Variants in SCUBE1 observed in about 807,000 individuals in gnomAD.
SCUBE1 encodes the protein signal peptide, CUB and EGF-like domain-containing protein 1.
In SCUBE1, 59 loss-of-function variants were observed where a neutral mutation model predicts 124.4. The ratio of observed to expected loss-of-function variants is 0.47; its 90% CI spans 0.38 to 0.59. SCUBE1 has a LOEUF of 0.59. SCUBE1 is among the 20% of genes least tolerant of loss of function. The pLI is 0.00. For missense variants in SCUBE1, 1,150 were observed against 1,371.2 expected (o/e 0.84, Z 2.55); for synonymous variants, 545 against 550.9 (o/e 0.99, Z 0.15).
chr22:43,262,663 G>A (rs931635751), intron 5 of SCUBE1, 57 bp downstream of exon 5: 2 of 1,600,342 alleles, frequency 1.2e-6, no homozygotes, highest in African/African-American at 1.3e-5. Context: ...AGACCCTCCA[G>A]AAAGTAATGG....
chr22:43,309,434 G>A (rs1033699340), intron 3 of SCUBE1, among the ~76,000 whole-genome samples: 1 of 152,128 alleles, frequency 6.6e-6, no homozygotes, highest in Admixed American at 6.6e-5. Context: ...GATGCTCCTT[G>A]AGGGCCCGAA....
chr22:43,262,844 C>T lies in SCUBE1; in HGVS notation c.486G>A (p.Glu162=). 6.2e-7 allele frequency: 1 copy of T among 1,610,226 alleles called. No homozygotes were observed. Residue 162 remains glutamate, a splice_region_variant and synonymous_variant, in exon 5 of 22, where the codon GAG becomes GAA. Coordinates refer to ENST00000360835, the MANE Select transcript of SCUBE1 (RefSeq NM_173050.5). ...NQHTCIHRSN[E]GMNCMNKDHG... Reference sequence around the variant, plus strand: ...GGTCTTTGTTCATGCAGTTCATACCCTCTGGGAAGAGAGACAGACAAGAGA... The same window carrying T: ...GGTCTTTGTTCATGCAGTTCATACCTTCTGGGAAGAGAGACAGACAAGAGA...
intron 4 of SCUBE1, among the ~76,000 whole-genome samples, chr22:43,272,948 A>G (rs1429193070): frequency 6.6e-6 from 1 of 152,220 alleles, no homozygotes; most frequent in Non-Finnish European, 1.5e-5. Context: ...CAGAGTTCAC[A>G]TGCAGCCTCC....
At chr22:43,271,437 G>A (rs1924287876) in intron 4 of SCUBE1, among the ~76,000 whole-genome samples, 1 of 152,168 alleles carries the variant, frequency 6.6e-6, no homozygotes, top group African/African-American at 2.4e-5. Context: ...CAGCTACTCT[G>A]GATTTGGACT....
chr22:43,206,161 C>A (rs1373704087), intron 21 of SCUBE1, among the ~76,000 whole-genome samples: 2 of 136,282 alleles, frequency 1.5e-5, no homozygotes, highest in Non-Finnish European at 3.2e-5. Context: ...CACACCCCCC[C>A]AAACACACCA....
Position 43,319,956 on chromosome 22 carries a change from G to A in SCUBE1, c.330C>T (p.His110=), listed in dbSNP as rs141101679. 7.8e-4 allele frequency: 1,263 copies of A among 1,614,064 alleles called. 17 individuals are homozygous for A. The South Asian group carries it at 0.012, about 16-fold the overall frequency. ...ACTCACCCAGGCAGTTGTGTCCATC[G>A]TGTGCCAGCATGAAGCCATCAAAGC... ...CTCFDGFMLA[H]DGHNCLDVDE... Residue 110 remains histidine, a synonymous_variant, in exon 3 of 22, where the codon CAC becomes CAT. Transcript: ENST00000360835.
At chr22:43,266,712 G>A (rs1475128143) in intron 4 of SCUBE1, among the ~76,000 whole-genome samples, 8 of 152,188 alleles carry the variant, frequency 5.3e-5, no homozygotes, top group Non-Finnish European at 1.0e-4. Context: ...GGGAGCAGAC[G>A]TTTCCTGGGG....
chr22:43,239,352 T>A (rs1922905215), intron 6 of SCUBE1, among the ~76,000 whole-genome samples: 1 of 152,252 alleles, frequency 6.6e-6, no homozygotes, highest in Admixed American at 6.5e-5. Flanking sequence ...AAGTCCAGGC[T>A]AGAGGTTACT....
At chr22:43,247,209 A>G (rs1194515363) in intron 6 of SCUBE1, among the ~76,000 whole-genome samples, 1 of 152,224 alleles carries the variant, frequency 6.6e-6, no homozygotes, top group Non-Finnish European at 1.5e-5. Flanking sequence ...AGCACCTGCT[A>G]CGGGCCACAC....
At chr22:43,225,259 AG>A (rs1922257027) in intron 10 of SCUBE1, among the ~76,000 whole-genome samples, 2 of 152,022 alleles carry the variant, frequency 1.3e-5, no homozygotes, top group Admixed American at 1.3e-4. Context: ...CAGGAAAGCC[AG>A]AAATCAGATC....
chr22:43,262,051 A>G (rs1281144593), intron 5 of SCUBE1, among the ~76,000 whole-genome samples: 1 of 152,196 alleles, frequency 6.6e-6, no homozygotes, highest in East Asian at 1.9e-4. Flanking sequence ...TAGGCAGACC[A>G]CCAAGCAGAT....
Position 43,297,117 on chromosome 22 carries a change from G to A in SCUBE1, c.350-5937C>T, listed in dbSNP as rs770533007. Among the ~76,000 whole-genome samples the A allele has an allele frequency of 9.8e-5, 15 of 152,350 alleles. 1 individual carries two copies. The highest frequency in any genetic ancestry group is 2.6e-4 in the Admixed American group (4 of 15,308). ...CAGGCCTGAGGACCCTGTTGTTCTC[G>A]AAGCCCCTTTCTTCTGCCCCTCTCC... is the stretch of plus-strand genomic sequence containing the variant. On this transcript the variant is annotated intron_variant, in intron 3 of 21. Coordinates refer to ENST00000360835, the MANE Select transcript of SCUBE1 (RefSeq NM_173050.5).
intron 5 of SCUBE1, among the ~76,000 whole-genome samples, chr22:43,261,690 C>T (rs1923876301): frequency 6.6e-6 from 1 of 152,196 alleles, no homozygotes; most frequent in Admixed American, 6.5e-5. Context: ...GGGTGAGGAC[C>T]ACCTTCTCTA....
chr22:43,281,564 A>AGCCATCCTCCTGTCACCTCCCTCTTTG lies in SCUBE1; in HGVS notation c.484+9481_484+9482insCAAAGAGGGAGGTGACAGGAGGATGGC. On this transcript the variant is annotated intron_variant, in intron 4 of 21. Transcript: ENST00000360835. ...GTCACCCTCCTGTCACCTCCCCCTC[A>AGCCATCCTCCTGTCACCTCCCTCTTTG]GCCACCCTCCTGTCACCTCCCTTCT... 3.6e-5 allele frequency among the ~76,000 whole-genome samples: 3 copies of AGCCATCCTCCTGTCACCTCCCTCTTTG among 84,072 alleles called. No individual in the cohort carries two copies. In the South Asian group the frequency reaches 1.4e-3, roughly 38 times the overall value. 55.2% of individuals were successfully genotyped at this position (84,072 alleles called of 152,430 possible).
intron 2 of SCUBE1, among the ~76,000 whole-genome samples, chr22:43,332,546 G>T (rs1393605981): frequency 6.6e-6 from 1 of 152,042 alleles, no homozygotes; most frequent in Non-Finnish European, 1.5e-5. Flanking sequence ...CCTGATGCTG[G>T]GACCCCTTGG....
chr22:43,314,166 TCA>T (rs749189000), intron 3 of SCUBE1, among the ~76,000 whole-genome samples: 142 of 152,284 alleles, frequency 9.3e-4, no homozygotes, highest in Non-Finnish European at 1.6e-3. Flanking sequence ...AGTGGGCCAC[TCA>T]CAGCCACCAA....
intron 19 of SCUBE1, among the ~76,000 whole-genome samples, chr22:43,208,562 T>G (rs1370013408): frequency 6.6e-6 from 1 of 152,052 alleles, no homozygotes; most frequent in Non-Finnish European, 1.5e-5. Context: ...TCCAGCTAAC[T>G]GCTCCTCGGT....
intron 20 of SCUBE1, 69 bp downstream of exon 20, chr22:43,208,003 A>T (rs1333717377): frequency 6.4e-7 from 1 of 1,560,164 alleles, no homozygotes; most frequent in Middle Eastern, 1.7e-4. Context: ...GGGACGTGCG[A>T]CTCATCTCTG....
chr22:43,334,886 T>C (rs1927014019), intron 2 of SCUBE1, among the ~76,000 whole-genome samples: 2 of 152,146 alleles, frequency 1.3e-5, no homozygotes, highest in Non-Finnish European at 2.9e-5. Flanking sequence ...GATAAACAAA[T>C]GGAGGTTAAA....
Sources: gnomAD v4.1 joint callset for allele counts (sites outside exome capture counted in the v4.1 genomes callset) on GRCh38, gnomAD v4.1.1 for gene constraint, MANE v1.5 for transcripts, NCBI Gene and HGNC (gene_info 2026-07-23, HGNC 2026-07-21) for gene names.